ZNF385D: variants seen among roughly 807,000 people sequenced by gnomAD.
ZNF385D encodes the protein zinc finger protein 659.
Under a neutral mutation model 35.8 loss-of-function variants are expected in ZNF385D, and 15 were observed. That is an observed-to-expected ratio of 0.42 (90% CI 0.28 to 0.64). The LOEUF is 0.64. ZNF385D is among the 30% of genes least tolerant of loss of function. ZNF385D has a pLI of 0.23. For synonymous variants in ZNF385D, 212 were observed against 186.8 expected (o/e 1.13, Z -1.10); for missense variants, 474 against 494.6 (o/e 0.96, Z 0.39).
chr3:21,772,702 T>C (rs954805776), intron 3 of ZNF385D, among the ~76,000 whole-genome samples: 1 of 151,940 alleles, frequency 6.6e-6, no homozygotes, highest in Non-Finnish European at 1.5e-5. Flanking sequence ...AATTTCACTT[T>C]CAATTCAGTT....
chr3:21,425,626 T>C lies in ZNF385D; in HGVS notation c.718A>G (p.Thr240Ala). 6.2e-7 allele frequency: 1 copy of C among 1,600,346 alleles called. No individual in the cohort carries two copies. The highest frequency in any genetic ancestry group is 1.1e-5 in the South Asian group (1 of 88,964). ...TMLEARNGSG[T>A]IKAFPRAGVK... ...CCTGCCCTAGGAAAGGCTTTGATAG[T>C]GCCACTTCCATTCCGGGCTTCTAAC... The change falls in exon 6 of 8, where the codon ACT becomes GCT. Residue 240 changes from threonine to alanine, a missense_variant. Coordinates refer to ENST00000281523, the MANE Select transcript of ZNF385D (RefSeq NM_024697.3).
chr3:22,241,589 T>C (rs1045981726), intron 2 of ZNF385D, among the ~76,000 whole-genome samples: 4 of 151,214 alleles, frequency 2.6e-5, no homozygotes, highest in Non-Finnish European at 5.9e-5. Context: ...TCTAAGCCAA[T>C]AGCCCTCTGG....
chr3:21,856,677 C>A (rs1359419197), intron 3 of ZNF385D, among the ~76,000 whole-genome samples: 1 of 152,058 alleles, frequency 6.6e-6, no homozygotes, highest in Non-Finnish European at 1.5e-5. Flanking sequence ...CCAGTCCAAG[C>A]CACCATCATC....
chr3:21,613,378 A>G (rs2064746202), intron 2 of ZNF385D, among the ~76,000 whole-genome samples: 1 of 151,968 alleles, frequency 6.6e-6, no homozygotes, highest in African/African-American at 2.4e-5. Context: ...ATGTTTTTAT[A>G]GTCTTACTTA....
intron 1 of ZNF385D, among the ~76,000 whole-genome samples, chr3:21,694,074 C>A (rs747615792): frequency 3.9e-5 from 1 of 25,800 alleles, no homozygotes; most frequent in Non-Finnish European, 7.9e-5. Context: ...GACAGAGTCT[C>A]GCTCTGTCGC....
intron 3 of ZNF385D, among the ~76,000 whole-genome samples, chr3:21,790,690 A>G (rs533819725): frequency 6.6e-6 from 1 of 152,302 alleles, no homozygotes; most frequent in South Asian, 2.1e-4. Context: ...AAGGAAAATC[A>G]TTTCTGCAGA....
intron 3 of ZNF385D, among the ~76,000 whole-genome samples, chr3:21,774,516 A>C (rs1173429522): frequency 6.6e-6 from 1 of 151,936 alleles, no homozygotes. Flanking sequence ...GCTCTGATGG[A>C]AACAGGAGAT....
chr3:21,444,776 G>T (rs1037150234), intron 4 of ZNF385D, among the ~76,000 whole-genome samples: 1 of 151,066 alleles, frequency 6.6e-6, no homozygotes, highest in African/African-American at 2.5e-5. Context: ...GGCAATGTGA[G>T]AATGCTTTTA....
chr3:22,331,219 G>C (rs1177793074), intron 2 of ZNF385D, among the ~76,000 whole-genome samples: 3 of 151,602 alleles, frequency 2.0e-5, no homozygotes, highest in Admixed American at 6.6e-5. Context: ...ATTTTTTTTA[G>C]TTTATATCAT....
upstream of ZNF385D, among the ~76,000 whole-genome samples, chr3:21,752,682 A>G (rs13340131): frequency 0.076 from 11,542 of 152,300 alleles, 733 homozygotes; most frequent in East Asian, 0.34. Flanking sequence ...AGATAAATCT[A>G]GGGCTGTTCT....
At chr3:22,292,258 A>G (rs1016994366) in intron 2 of ZNF385D, among the ~76,000 whole-genome samples, 5 of 152,054 alleles carry the variant, frequency 3.3e-5, no homozygotes, top group African/African-American at 1.2e-4. Flanking sequence ...GAGCCCTAAC[A>G]TACATGTAAA....
chr3:21,756,706 A>G (rs1216288368), intron 3 of ZNF385D, among the ~76,000 whole-genome samples: 1 of 152,204 alleles, frequency 6.6e-6, no homozygotes, highest in Non-Finnish European at 1.5e-5. Context: ...ATATTTGTTG[A>G]AAGTATAATA....
intron 4 of ZNF385D, chr3:21,443,038 C>A (rs1575153638): frequency 1.3e-6 from 1 of 770,104 alleles, no homozygotes; most frequent in South Asian, 5.9e-5. Context: ...AGAAAAAGTC[C>A]CCCTGCTCTG....
chr3:21,447,253 A>G (rs17008793), intron 4 of ZNF385D, among the ~76,000 whole-genome samples: 10,697 of 152,172 alleles, frequency 0.07, 602 homozygotes, highest in East Asian at 0.31. Flanking sequence ...AAGAAACTCA[A>G]TTTACTCCGA....
At chr3:22,093,681 T>G (rs1701449674) in intron 3 of ZNF385D, among the ~76,000 whole-genome samples, 1 of 152,150 alleles carries the variant, frequency 6.6e-6, no homozygotes, top group East Asian at 1.9e-4. Context: ...TCCTAATTTT[T>G]ATTTCTGCTA....
At chr3:21,849,610 T>TC (rs1553684569) in intron 3 of ZNF385D, 2 of 135,236 alleles carry the variant, frequency 1.5e-5, no homozygotes, top group African/African-American at 5.4e-5. Flanking sequence ...CATTTCTTTT[T>TC]TTTTTTTTTT....
At chr3:21,553,628 C>A (rs1047442771) in intron 3 of ZNF385D, among the ~76,000 whole-genome samples, 36 of 152,242 alleles carry the variant, frequency 2.4e-4, no homozygotes, top group Non-Finnish European at 1.3e-4. Flanking sequence ...CAAAATATTT[C>A]TCTTTAGCAT....
At chr3:21,857,552 G>C (rs1390205310) in intron 3 of ZNF385D, among the ~76,000 whole-genome samples, 1 of 151,916 alleles carries the variant, frequency 6.6e-6, no homozygotes, top group Non-Finnish European at 1.5e-5. Flanking sequence ...ATAATTCTGA[G>C]GCCCAAAGAG....
At chr3:21,477,090 C>A (rs916567324) in intron 4 of ZNF385D, among the ~76,000 whole-genome samples, 1 of 152,196 alleles carries the variant, frequency 6.6e-6, no homozygotes, top group African/African-American at 2.4e-5. Flanking sequence ...GACTACGCCA[C>A]TCCAGTGGAC....
Sources: gnomAD v4.1 joint callset for allele counts (sites outside exome capture counted in the v4.1 genomes callset) on GRCh38, gnomAD v4.1.1 for gene constraint, MANE v1.5 for transcripts, NCBI Gene and HGNC (gene_info 2026-07-23, HGNC 2026-07-21) for gene names.